MORC3: variants seen among roughly 807,000 people sequenced by gnomAD.
MORC3 encodes the protein MORC family CW-type zinc finger 3.
In MORC3, 31 loss-of-function variants were observed where a neutral mutation model predicts 109.1. The observed-to-expected ratio is 0.28, with a 90% CI of 0.21 to 0.38. The LOEUF (loss-of-function observed/expected upper bound fraction) is 0.38, where lower values mean the gene tolerates loss of function less well. Ranked by LOEUF, MORC3 falls within the 10% of genes least tolerant of loss-of-function variation. The pLI is 1.00. For synonymous variants in MORC3, 395 were observed against 380.7 expected (o/e 1.04, Z -0.44); for missense variants, 867 against 1,135.8 (o/e 0.76, Z 3.40).
At chr21:36,358,244 G>A (rs1003828147) in intron 10 of MORC3, among the ~76,000 whole-genome samples, 1 of 151,822 alleles carries the variant, frequency 6.6e-6, no homozygotes, top group African/African-American at 2.4e-5. Flanking sequence ...AAGTAGCCAG[G>A]CATAGTGGTG....
chr21:36,367,396 T>C (rs1216838146), intron 14 of MORC3, among the ~76,000 whole-genome samples: 1 of 152,166 alleles, frequency 6.6e-6, no homozygotes, highest in African/African-American at 2.4e-5. Flanking sequence ...GCCACATGTG[T>C]CATCTCCCAC....
Position 36,338,847 on chromosome 21 carries a change from A to C in MORC3, c.534A>C (p.Glu178Asp), listed in dbSNP as rs1381689971. ...TGGAACATTCTCTGTTTTCCACGGA[A>C]CAGAAGTTACTGGCAGAACTTGATG... is the stretch of plus-strand genomic sequence containing the variant. ...AILEHSLFSTEQKLLAELDAI... is the reference protein window; with the variant it reads ...AILEHSLFSTDQKLLAELDAI... Residue 178 changes from glutamate (E) to aspartate (D), a missense_variant, in exon 5 of 17, where the codon GAA (glutamate) becomes GAC (aspartate). Around this residue, in one of 7 missense-constraint regions of MORC3, gnomAD observed 134 missense variants for 166.6 expected, o/e 0.80. Coordinates refer to ENST00000400485, the MANE Select transcript of MORC3 (RefSeq NM_015358.3). 1 of 1,614,098 alleles carries C rather than the reference A, an allele frequency of 6.2e-7. No homozygotes were observed. The highest frequency in any genetic ancestry group is 8.5e-7 in the Non-Finnish European group (1 of 1,179,966).
chr21:36,375,249 A>C lies in MORC3; in HGVS notation c.2773A>C (p.Ile925Leu), dbSNP rs1299046781. Residue 925 changes from isoleucine to leucine, a missense_variant, in exon 17 of 17, where the codon ATT (isoleucine) becomes CTT (leucine). Ile to Leu is a conservative substitution (Grantham distance 5, BLOSUM62 2). Transcript: ENST00000400485. The stretch of plus-strand genomic sequence containing the variant: ...TTACGATGTTGATGTAGTTGATGAG[A>C]TTTTAGGACAAGTTGTTGAACAAAT... ...VNYDVDVVDEILGQVVEQMSE... is the reference protein window; with the variant it reads ...VNYDVDVVDELLGQVVEQMSE... 6.2e-7 allele frequency: 1 copy of C among 1,613,738 alleles called. No homozygotes were observed. The highest frequency in any genetic ancestry group is 1.7e-5 in the Admixed American group (1 of 60,006).
intron 5 of MORC3, among the ~76,000 whole-genome samples, chr21:36,340,549 C>T (rs1185471496): frequency 6.6e-6 from 1 of 151,626 alleles, no homozygotes; most frequent in East Asian, 1.9e-4. Flanking sequence ...CTTAGCATAA[C>T]TCCTGGCGTT....
intron 12 of MORC3, among the ~76,000 whole-genome samples, chr21:36,361,330 G>A (rs1324003770): frequency 6.6e-6 from 1 of 151,216 alleles, no homozygotes; most frequent in Non-Finnish European, 1.5e-5. Flanking sequence ...GATCACTTGA[G>A]GTCAGGAGTT....
At chr21:36,368,856 G>A (rs1042634037) in intron 14 of MORC3, 132 bp from the exon 15 acceptor site, 22 of 823,458 alleles carry the variant, frequency 2.7e-5, no homozygotes, top group Admixed American at 1.2e-4. Context: ...TAGCCTGGGC[G>A]ACAGAGTGAC....
At chr21:36,363,134 A>G (rs1230709852) in intron 13 of MORC3, among the ~76,000 whole-genome samples, 2 of 152,162 alleles carry the variant, frequency 1.3e-5, no homozygotes, top group Non-Finnish European at 1.5e-5. Flanking sequence ...TAAGTTGAAA[A>G]TGTTTTTAGC....
intron 8 of MORC3, among the ~76,000 whole-genome samples, chr21:36,347,455 CG>C (rs1208225778): frequency 6.6e-6 from 1 of 152,128 alleles, no homozygotes; most frequent in Non-Finnish European, 1.5e-5. Context: ...TAGTTAAGCT[CG>C]ACCTTGTAAA....
At position 36,375,410 on chromosome 21, in the gene MORC3, C is replaced by A. The variant is rs2085919110; in HGVS notation, c.*114C>A. On this transcript the variant is annotated 3_prime_UTR_variant, in exon 17 of 17. Coordinates refer to ENST00000400485, the MANE Select transcript of MORC3 (RefSeq NM_015358.3). The stretch of plus-strand genomic sequence containing the variant: ...TAGGCAACAGACTGAAAACCATAAT[C>A]TTTACTGTATTCTATGCATTCAAAT... The A allele has an allele frequency of 7.3e-6, 7 of 953,510 alleles. No individual in the cohort carries two copies. Among genetic ancestry groups the A allele is most frequent in the Non-Finnish European group, 7.6e-6 (5 of 658,964 alleles). 59.1% of individuals were successfully genotyped at this position (953,510 alleles called of 1,614,324 possible).
intron 15 of MORC3, among the ~76,000 whole-genome samples, chr21:36,370,077 C>G (rs188666840): frequency 3.4e-4 from 51 of 152,220 alleles, no homozygotes; most frequent in Middle Eastern, 6.8e-3. Flanking sequence ...ACTAAAAATA[C>G]AAAAATTAGC....
chr21:36,357,451 G>A (rs1011799107), intron 10 of MORC3, among the ~76,000 whole-genome samples: 2 of 152,000 alleles, frequency 1.3e-5, no homozygotes, highest in Non-Finnish European at 2.9e-5. Flanking sequence ...TACAGGTGGG[G>A]TCTCCCTGTG....
intron 9 of MORC3, among the ~76,000 whole-genome samples, chr21:36,353,755 A>ATTTTTTGTTTTTTTTTTT (rs2085605250): frequency 1.4e-5 from 1 of 71,012 alleles, no homozygotes. Context: ...TAATTTTTGT[A>ATTTTTTGTTTTTTTTTTT]TTTTTTTTTT....
At chr21:36,364,822 T>C (rs1311681511) in intron 14 of MORC3, among the ~76,000 whole-genome samples, 1 of 149,600 alleles carries the variant, frequency 6.7e-6, no homozygotes, top group Non-Finnish European at 1.5e-5. Flanking sequence ...GAGGCCGAGG[T>C]GGGTGGATCA....
rs763034669 is a variant in MORC3 at position 36,369,727 on chromosome 21, T to C, written c.2359T>C (p.Cys787Arg). ...AGAAATAGAAAGGCTGAAAAAACAA[T>C]GTAGTGCTTTGCAACATGTAAAGGC... ...LEEIERLKKQ[C>R]SALQHVKAEC... Residue 787 changes from cysteine to arginine, a missense_variant, in exon 15 of 17, where the codon TGT becomes CGT. Cys to Arg is a radical substitution (Grantham distance 180). Transcript: ENST00000400485. The C allele has an allele frequency of 6.8e-6, 11 of 1,614,044 alleles. No homozygotes were observed. In the Admixed American group the frequency reaches 1.2e-4, roughly 17 times the overall value.
chr21:36,364,194 T>C lies in MORC3; in HGVS notation c.1554T>C (p.Asn518=). ...VPRRHLSEGT[N]SYATRLLNNH... is the part of the protein sequence containing the mutation. ...GAAGACATCTTTCAGAAGGAACAAATTCTTATGCGACAAGACTTCTAAATA... is the reference window on the plus strand; with the variant it reads ...GAAGACATCTTTCAGAAGGAACAAACTCTTATGCGACAAGACTTCTAAATA... Residue 518 remains asparagine, a synonymous_variant, in exon 14 of 17, where the codon AAT becomes AAC. Coordinates refer to ENST00000400485, the MANE Select transcript of MORC3 (RefSeq NM_015358.3). The C allele has an allele frequency of 6.2e-7, 1 of 1,614,154 alleles. No homozygotes were observed. The highest frequency in any genetic ancestry group is 8.5e-7 in the Non-Finnish European group (1 of 1,180,008).
intron 14 of MORC3, among the ~76,000 whole-genome samples, chr21:36,365,329 A>G (rs774061081): frequency 9.9e-5 from 15 of 152,208 alleles, no homozygotes; most frequent in Non-Finnish European, 2.1e-4. Flanking sequence ...TAATAGAATG[A>G]AGACAAGTGA....
chr21:36,369,798 T>C lies in MORC3; in HGVS notation c.2430T>C (p.Asp810=), dbSNP rs2085833129. 1.9e-6 allele frequency: 3 copies of C among 1,613,840 alleles called. No individual in the cohort carries two copies. Among genetic ancestry groups the C allele is most frequent in the Admixed American group, 1.7e-5 (1 of 59,992 alleles). ...ATAATGAGAGTAAAAGTGAAATGGA[T>C]GAGATGGCTGTGCAGCTTGACGATG... The part of the protein sequence containing the change: ...CSNNESKSEM[D]EMAVQLDDVF... The change falls in exon 15 of 17, where the codon GAT becomes GAC. Residue 810 remains aspartate, a synonymous_variant. Transcript: ENST00000400485.
intron 9 of MORC3, among the ~76,000 whole-genome samples, chr21:36,353,753 G>GTTTTTTTTTTTTTT (rs1334368761): frequency 1.5e-4 from 4 of 26,408 alleles, no homozygotes; most frequent in African/African-American, 2.2e-4. Flanking sequence ...GCTAATTTTT[G>GTTTTTTTTTTTTTT]TATTTTTTTT....
chr21:36,369,764 A>G lies in MORC3; in HGVS notation c.2396A>G (p.Gln799Arg). The G allele has an allele frequency of 6.2e-7, 1 of 1,614,240 alleles. No individual in the cohort carries two copies. Among genetic ancestry groups the G allele is most frequent in the Non-Finnish European group, 8.5e-7 (1 of 1,180,046 alleles). Residue 799 changes from glutamine (Q) to arginine (R), a missense_variant, in exon 15 of 17, where the codon CAG (glutamine) becomes CGG (arginine). Physicochemically the swap from Gln to Arg is conservative, Grantham distance 43 (BLOSUM62 1). Transcript: ENST00000400485. ...ALQHVKAECS[Q>R]CSNNESKSEM... ...CAACATGTAAAGGCTGAATGCAGCC[A>G]GTGTTCCAATAATGAGAGTAAAAGT...
Sources: allele counts gnomAD v4.1 joint callset (sites outside exome capture counted in the v4.1 genomes callset), GRCh38; gene constraint gnomAD v4.1.1; regional missense constraint gnomAD v4.1.1; transcripts MANE v1.5; gene names NCBI Gene and HGNC (gene_info 2026-07-23, HGNC 2026-07-21).